The following SNX9 variants were observed in gnomAD, a reference collection of about 807,000 sequenced individuals.
SNX9 encodes the protein sorting nexin 9.
In SNX9, 44 loss-of-function variants were observed where a neutral mutation model predicts 89.4. The observed-to-expected ratio is 0.49, with a 90% confidence interval of 0.39 to 0.63. The LOEUF (loss-of-function observed/expected upper bound fraction) is 0.63. Among genes scored for constraint, SNX9 ranks in the 30% least tolerant of loss-of-function variants. SNX9 has a pLI of 0.00. For synonymous variants in SNX9, 236 were observed against 247.8 expected (o/e 0.95, Z 0.45); for missense variants, 578 against 736.1 (o/e 0.79, Z 2.49).
At chr6:157,914,717 G>A (rs944087655) in intron 9 of SNX9, among the ~76,000 whole-genome samples, 18 of 151,962 alleles carry the variant, frequency 1.2e-4, no homozygotes, top group Non-Finnish European at 2.9e-5. Context: ...AGCTCAAGCG[G>A]TCCACCCACT....
At chr6:157,886,219 G>A (rs1036159791) in intron 4 of SNX9, among the ~76,000 whole-genome samples, 14 of 151,924 alleles carry the variant, frequency 9.2e-5, no homozygotes, top group African/African-American at 3.1e-4. Flanking sequence ...GCATTTTTTT[G>A]TTGTCAGAAG....
chr6:157,835,037 G>T (rs1365561818), intron 1 of SNX9, among the ~76,000 whole-genome samples: 3 of 152,162 alleles, frequency 2.0e-5, no homozygotes, highest in Non-Finnish European at 4.4e-5. Context: ...TTTTGAGACA[G>T]AGTCTTACTT....
intron 1 of SNX9, among the ~76,000 whole-genome samples, chr6:157,865,635 A>G (rs1011627424): frequency 1.3e-5 from 2 of 152,240 alleles, no homozygotes; most frequent in African/African-American, 4.8e-5. Flanking sequence ...ATTGAATACC[A>G]TAGATCCACC....
chr6:157,939,713 G>A (rs1031907247), intron 16 of SNX9, among the ~76,000 whole-genome samples: 2 of 152,208 alleles, frequency 1.3e-5, no homozygotes, highest in Admixed American at 6.5e-5. Flanking sequence ...TTGAAGTTTC[G>A]GGTTTTGAAG....
In SNX9 at chr6:157,927,187, AG is replaced by A; in HGVS notation, c.1159del (p.Ala387HisfsTer6). ...ATGATATTTTCCACCATGGAACCAG[AG>A]GCACCTGACTTGGACTTAGTAGAAA... The part of the protein sequence containing the change: ...GVMIFSTMEP[E>X]APDLDLVEIE... On this transcript the variant is annotated frameshift_variant, in exon 11 of 18. Transcript: ENST00000392185. LOFTEE classifies it high-confidence loss of function. 6.2e-7 allele frequency: 1 copy of A among 1,613,830 alleles called. No individual in the cohort carries two copies. The highest frequency in any genetic ancestry group is 8.5e-7 in the Non-Finnish European group (1 of 1,179,706).
At chr6:157,888,965 A>C (rs574306661) in intron 4 of SNX9, among the ~76,000 whole-genome samples, 2 of 152,162 alleles carry the variant, frequency 1.3e-5, no homozygotes, top group Non-Finnish European at 2.9e-5. Context: ...AGGGAAAAGA[A>C]GAGGAGAATG....
At chr6:157,869,888 C>T (rs1487196943) in intron 2 of SNX9, among the ~76,000 whole-genome samples, 1 of 152,048 alleles carries the variant, frequency 6.6e-6, no homozygotes, top group Admixed American at 6.5e-5. Context: ...CGTGCACATG[C>T]ACACACATGC....
intron 9 of SNX9, among the ~76,000 whole-genome samples, chr6:157,915,717 C>T (rs1286161761): frequency 7.5e-5 from 11 of 146,052 alleles, no homozygotes; most frequent in Non-Finnish European, 1.5e-4. Flanking sequence ...CCCAGCTACT[C>T]AGGAGGCTGA....
chr6:157,862,240 G>A (rs1782149391), intron 1 of SNX9, among the ~76,000 whole-genome samples: 1 of 152,164 alleles, frequency 6.6e-6, no homozygotes, highest in African/African-American at 2.4e-5. Context: ...ATCAACATAT[G>A]TTAATAGCAT....
chr6:157,826,502 GA>G (rs760974913), intron 1 of SNX9, among the ~76,000 whole-genome samples: 7,109 of 77,922 alleles, frequency 0.091, 553 homozygotes, highest in African/African-American at 0.26. Context: ...TCCATCTCAA[GA>G]AAAAAAAAAA....
rs1196751538 is a variant in SNX9, at chr6:157,927,196, A to T, written c.1166A>T (p.Asp389Val). Residue 389 changes from aspartate (D) to valine (V), a missense_variant, in exon 11 of 18, where the codon GAC becomes GTC. Asp to Val is a radical substitution (Grantham distance 152). Coordinates refer to ENST00000392185, the MANE Select transcript of SNX9 (RefSeq NM_016224.5). ...IFSTMEPEAP[D>V]LDLVEIEQKC... The stretch of plus-strand genomic sequence containing the variant: ...TCCACCATGGAACCAGAGGCACCTG[A>T]CTTGGACTTAGTAGAAATGTGAGAG... 3 of 1,613,102 alleles carry T rather than the reference A, an allele frequency of 1.9e-6. No individual in the cohort carries two copies. Among genetic ancestry groups the T allele is most frequent in the Non-Finnish European group, 2.5e-6 (3 of 1,179,174 alleles).
In SNX9 at chr6:157,875,123, C is replaced by G; in HGVS notation, c.247C>G (p.Leu83Val). ...GGCTGACCAAGCCTTCCTTGATTCT[C>G]TCTCAGCCAGCACAGCTCAGGCCAG... ...SVADQAFLDS[L>V]SASTAQASSS... is the part of the protein sequence containing the mutation. Residue 83 changes from leucine (L) to valine (V), a missense_variant, in exon 4 of 18, where the codon CTC (leucine) becomes GTC (valine). Transcript: ENST00000392185. 1 of 1,614,118 alleles carries G rather than the reference C, an allele frequency of 6.2e-7. No homozygotes were observed.
intron 9 of SNX9, among the ~76,000 whole-genome samples, chr6:157,916,706 A>T (rs374763863): frequency 6.6e-6 from 1 of 152,180 alleles, no homozygotes; most frequent in Non-Finnish European, 1.5e-5. Context: ...TTCTTCTGCT[A>T]TTAATACAGC....
At chr6:157,839,262 A>AT (rs1297851161) in intron 1 of SNX9, among the ~76,000 whole-genome samples, 1 of 152,218 alleles carries the variant, frequency 6.6e-6, no homozygotes, top group African/African-American at 2.4e-5. Flanking sequence ...TCTGTGATTC[A>AT]TTATAGCTGT....
At chr6:157,897,110 T>C in intron 5 of SNX9, 112 bp downstream of exon 5, 1 of 1,060,254 alleles carries the variant, frequency 9.4e-7, no homozygotes, top group Non-Finnish European at 1.3e-6. Flanking sequence ...CAGAACAGTT[T>C]TGTGACCACA....
In SNX9 at chr6:157,823,342, G is replaced by A; in HGVS notation, c.-93G>A. The stretch of plus-strand genomic sequence containing the variant: ...GCGCCGGGGCCCAGCCGGAGCCGCC[G>A]CCCTCGCCCTTGCCTTTGCCTGCGC... On this transcript the variant is annotated 5_prime_UTR_variant, in exon 1 of 18. Coordinates refer to ENST00000392185, the MANE Select transcript of SNX9 (RefSeq NM_016224.5). This position sits in a 1 kb window ranked among gnomAD's most constrained non-coding sequence, Gnocchi z 4.6. The A allele has an allele frequency of 8.8e-7, 1 of 1,137,584 alleles. No homozygotes were observed. Among genetic ancestry groups the A allele is most frequent in the Non-Finnish European group, 1.1e-6 (1 of 908,812 alleles). 70.5% of individuals were successfully genotyped at this position (1,137,584 alleles called of 1,614,324 possible).
chr6:157,866,946 T>G (rs903607535), intron 1 of SNX9, among the ~76,000 whole-genome samples: 5 of 150,550 alleles, frequency 3.3e-5, no homozygotes, highest in East Asian at 1.9e-4. Flanking sequence ...AAATAGGTGT[T>G]TGTTTGTTTG....
chr6:157,876,439 T>C (rs979886891), intron 4 of SNX9, among the ~76,000 whole-genome samples: 17 of 152,150 alleles, frequency 1.1e-4, no homozygotes, highest in African/African-American at 3.6e-4. Flanking sequence ...CGAGTGAGAC[T>C]CCTCAAAAGA....
intron 1 of SNX9, among the ~76,000 whole-genome samples, chr6:157,852,305 T>C (rs1479813453): frequency 6.6e-6 from 1 of 152,234 alleles, no homozygotes; most frequent in Non-Finnish European, 1.5e-5. Context: ...TTATTTGAAT[T>C]AATTGGAGTA....
Sources: gnomAD v4.1 joint callset for allele counts (sites outside exome capture counted in the v4.1 genomes callset) on GRCh38, gnomAD v4.1.1 for gene constraint, Gnocchi (gnomAD v3.1) non-coding constraint, MANE v1.5 for transcripts, NCBI Gene and HGNC (gene_info 2026-07-23, HGNC 2026-07-21) for gene names.